Variants in HIP1R observed in about 807,000 individuals in gnomAD.
The protein encoded by HIP1R is huntingtin interacting protein 1 related, also known as huntingtin-interacting protein 1-related protein.
Under a neutral mutation model 144.2 loss-of-function variants are expected in HIP1R, and 135 were observed. The ratio of observed to expected loss-of-function variants is 0.94; its 90% CI spans 0.81 to 1.08. HIP1R has a LOEUF of 1.08. Ranked by LOEUF, HIP1R falls within the 50% of genes least tolerant of loss-of-function variation. The pLI, the probability that HIP1R is intolerant of heterozygous loss-of-function variation, is 0.00. For synonymous variants in HIP1R, 698 were observed against 612.8 expected, an observed-to-expected ratio of 1.14 and a Z score of -2.05; for missense variants, 1,462 against 1,432.8, an observed-to-expected ratio of 1.02 and a Z score of -0.33.
chr12:122,849,803 G>A (rs2033320577), intron 4 of HIP1R, 72 bp from the exon 5 acceptor site: 12 of 1,091,098 alleles, frequency 1.1e-5, no homozygotes, highest in South Asian at 6.7e-5. Flanking sequence ...GGTCACTCTC[G>A]TGCCCAGGTC....
upstream of HIP1R, chr12:122,835,112 G>T: frequency 1.1e-6 from 1 of 898,882 alleles, no homozygotes; most frequent in South Asian, 1.4e-5. Context: ...CCTCCCCTCC[G>T]GGTTTAGGGA....
chr12:122,841,372 TCTC>T (rs1274949205), intron 1 of HIP1R, among the ~76,000 whole-genome samples: 1 of 152,064 alleles, frequency 6.6e-6, no homozygotes, highest in African/African-American at 2.4e-5. Context: ...GAGTGTGTCA[TCTC>T]CTTGCCGAGT....
intron 27 of HIP1R, 53 bp from the exon 28 acceptor site, chr12:122,860,626 C>T (rs2135679840): frequency 6.3e-7 from 1 of 1,575,034 alleles, no homozygotes; most frequent in Middle Eastern, 1.7e-4. Flanking sequence ...TGGAGTGGTG[C>T]CAGCCGTCCG....
At chr12:122,846,902 C>T (rs535939878) in intron 1 of HIP1R, among the ~76,000 whole-genome samples, 5 of 152,340 alleles carry the variant, frequency 3.3e-5, no homozygotes, top group South Asian at 2.1e-4. Flanking sequence ...TCCTCTGCTC[C>T]GGTGTTGGGT....
rs1285835940 is a variant in HIP1R at position 122,849,893 on chromosome 12, T to C, written c.376T>C (p.Tyr126His). The stretch of plus-strand genomic sequence containing the variant: ...CACACAGGGACATTTGCATGACCGC[T>C]ACGGACAGCTGGTGAATGTCTACAC... ...GDLWGHLHDR[Y>H]GQLVNVYTKL... Residue 126 changes from tyrosine to histidine, a missense_variant, in exon 5 of 32, where the codon TAC (tyrosine) becomes CAC (histidine). By Grantham distance (83) the Tyr-to-His change is moderately conservative. This residue lies in a region of HIP1R where 350 missense variants were observed against 421.1 expected (regional missense o/e 0.83). Coordinates refer to ENST00000253083, the MANE Select transcript of HIP1R (RefSeq NM_003959.3). 6.2e-7 allele frequency: 1 copy of C among 1,613,446 alleles called. No homozygotes were observed. The highest frequency in any genetic ancestry group is 1.7e-5 in the Admixed American group (1 of 60,012).
At chr12:122,848,885 T>C in intron 4 of HIP1R, 33 bp downstream of exon 4, 1 of 1,607,956 alleles carries the variant, frequency 6.2e-7, no homozygotes, top group Non-Finnish European at 8.5e-7. Flanking sequence ...CTGCCTGGCA[T>C]TCGGGGCTTT....
At position 122,855,909 on chromosome 12, in the gene HIP1R, G is replaced by T; in HGVS notation, c.1128+6G>T. 2 of 1,561,498 alleles carry T rather than the reference G, an allele frequency of 1.3e-6. No individual in the cohort carries two copies. The highest frequency in any genetic ancestry group is 4.8e-5 in the East Asian group (2 of 42,048). ...TGGAGAAGATCAAGCTGGAGGTGCG[G>T]GGTGGGGATGGGTGGGGGCCAGGGC... On this transcript the variant is annotated splice_donor_region_variant and intron_variant, in intron 13 of 31. Transcript: ENST00000253083.
intron 1 of HIP1R, among the ~76,000 whole-genome samples, chr12:122,843,084 G>A (rs1336726328): frequency 1.3e-5 from 2 of 152,210 alleles, no homozygotes; most frequent in Admixed American, 6.5e-5. Flanking sequence ...TCCTGATCCG[G>A]AGCCCACTCG....
rs1430134711 is a variant in HIP1R, at chr12:122,859,549, T to C, written c.2406+13T>C. 4 of 1,593,154 alleles carry C rather than the reference T, an allele frequency of 2.5e-6. No individual in the cohort carries two copies. In the African/African-American group the frequency reaches 5.4e-5, roughly 21 times the overall value. On this transcript the variant is annotated intron_variant, in intron 23 of 31. Coordinates refer to ENST00000253083, the MANE Select transcript of HIP1R (RefSeq NM_003959.3). ...GCGGAGGATTGAGGTGAGCACGGGA[T>C]CTGGGGACTCCCCTCATTCCTGTGG...
At chr12:122,853,699 C>CT (rs1465650777) in intron 7 of HIP1R, 1 of 225,520 alleles carries the variant, frequency 4.4e-6, no homozygotes, top group African/African-American at 2.3e-5. Context: ...CCTTCCTGCT[C>CT]TAACATTCAG....
chr12:122,856,485 G>A lies in HIP1R; in HGVS notation c.1455G>A (p.Val485=). Residue 485 remains valine, a synonymous_variant, in exon 16 of 32, where the codon GTG becomes GTA. Coordinates refer to ENST00000253083, the MANE Select transcript of HIP1R (RefSeq NM_003959.3). Reference sequence around the variant, plus strand: ...TGACGCAGCAAAGCCAGGAGGAGGTGGCGCGGGTGAAGGAGCAGCTGGCCT... The same window carrying A: ...TGACGCAGCAAAGCCAGGAGGAGGTAGCGCGGGTGAAGGAGCAGCTGGCCT... The part of the protein sequence containing the change: ...LTVTQQSQEE[V]ARVKEQLAFQ... 3 of 1,590,700 alleles carry A rather than the reference G, an allele frequency of 1.9e-6. No individual in the cohort carries two copies. The highest frequency in any genetic ancestry group is 2.6e-6 in the Non-Finnish European group (3 of 1,168,028).
intron 5 of HIP1R, 72 bp from the exon 6 acceptor site, chr12:122,850,763 C>A (rs770727144): frequency 8.9e-7 from 1 of 1,128,390 alleles, no homozygotes; most frequent in South Asian, 1.4e-5. Flanking sequence ...TGGGGGGGAG[C>A]CCTGGTTCGG....
upstream of HIP1R, chr12:122,835,111 C>T (rs1483503559): frequency 1.3e-5 from 11 of 875,608 alleles, no homozygotes; most frequent in South Asian, 1.3e-4. Context: ...CCCTCCCCTC[C>T]GGGTTTAGGG....
In HIP1R at chr12:122,835,470, G is replaced by A. The variant is rs2032853663; in HGVS notation, c.-81G>A. ...CCCGGGCGCGGCGCGGTGGCCTCGC[G>A]GTGCCTAGGCTGGGGCTGCCGGACC... On this transcript the variant is annotated 5_prime_UTR_variant, in exon 1 of 32. Coordinates refer to ENST00000253083, the MANE Select transcript of HIP1R (RefSeq NM_003959.3). 6.8e-6 allele frequency: 8 copies of A among 1,175,922 alleles called. No individual in the cohort carries two copies. Among genetic ancestry groups the A allele is most frequent in the Non-Finnish European group, 8.4e-6 (8 of 951,500 alleles). The allele number at this position is 1,175,922 out of a possible 1,614,324, so 72.8% of individuals were successfully genotyped here. A position where few individuals can be genotyped will look rare whatever the true frequency, so the allele number is the denominator to read the frequency against.
In HIP1R at chr12:122,861,925, A is replaced by T; in HGVS notation, c.*172A>T. ...TACTGAGCCTGCAGGGTCCTGGGCC[A>T]TGTGGGTGGTGCTTCTGGATGTGAG... On this transcript the variant is annotated 3_prime_UTR_variant, in exon 32 of 32. Coordinates refer to ENST00000253083, the MANE Select transcript of HIP1R (RefSeq NM_003959.3). 1 of 583,358 alleles carries T rather than the reference A, an allele frequency of 1.7e-6. No individual in the cohort carries two copies. The highest frequency in any genetic ancestry group is 3.0e-6 in the Non-Finnish European group (1 of 336,392). 36.1% of individuals were successfully genotyped at this position (583,358 alleles called of 1,614,324 possible).
In HIP1R at chr12:122,859,758, G is replaced by C. The variant is rs760514204; in HGVS notation, c.2407-14G>C. On this transcript the variant is annotated splice_polypyrimidine_tract_variant and intron_variant, in intron 23 of 31. Transcript: ENST00000253083. ...CTCCTCCCAGCCAGCTCACGGCTCT[G>C]TTCTTGGGTGCAGGACATGATGAAC... The C allele has an allele frequency of 3.1e-6, 5 of 1,612,542 alleles. No individual in the cohort carries two copies. The highest frequency in any genetic ancestry group is 2.2e-5 in the South Asian group (2 of 91,014).
At position 122,854,888 on chromosome 12, in the gene HIP1R, C is replaced by T; in HGVS notation, c.719-17C>T. The T allele has an allele frequency of 6.2e-7, 1 of 1,612,048 alleles. No individual in the cohort carries two copies. The highest frequency in any genetic ancestry group is 8.5e-7 in the Non-Finnish European group (1 of 1,179,358). The stretch of plus-strand genomic sequence containing the variant: ...CAGTGTGCAGAGAAGTCCTGTTACA[C>T]TTGTGCCACCCTCCAGGTCTCCCTG... On this transcript the variant is annotated splice_polypyrimidine_tract_variant and intron_variant, in intron 8 of 31. Transcript: ENST00000253083.
intron 6 of HIP1R, 112 bp downstream of exon 6, chr12:122,851,023 G>A (rs1209319974): frequency 1.0e-6 from 1 of 998,058 alleles, no homozygotes; most frequent in African/African-American, 1.7e-5. Flanking sequence ...ATGAGTCCGT[G>A]GCTTTGTTGG....
chr12:122,857,277 T>G, intron 18 of HIP1R, 62 bp downstream of exon 18: 1 of 1,434,300 alleles, frequency 7.0e-7, no homozygotes, highest in Non-Finnish European at 9.6e-7. Flanking sequence ...ACCATCGATC[T>G]GTCTCCGTGA....
Sources: allele counts gnomAD v4.1 joint callset (sites outside exome capture counted in the v4.1 genomes callset), GRCh38; gene constraint gnomAD v4.1.1; regional missense constraint gnomAD v4.1.1; transcripts MANE v1.5; gene names NCBI Gene and HGNC (gene_info 2026-07-23, HGNC 2026-07-21).